Variants in DENND5B observed in about 807,000 individuals in gnomAD.
DENND5B encodes the protein DENN domain containing 5B, also known as DENN domain-containing protein 5B.
In DENND5B, 34 loss-of-function variants were observed where a neutral mutation model predicts 140.6. That is an observed-to-expected ratio of 0.24 (90% confidence interval 0.18 to 0.32). DENND5B has a LOEUF of 0.32. Among genes scored for constraint, DENND5B ranks in the 10% least tolerant of loss-of-function variants. The pLI is 1.00. For missense variants in DENND5B, 1,142 were observed against 1,560.2 expected (o/e 0.73, Z 4.52); for synonymous variants, 551 against 562.1 (o/e 0.98, Z 0.28).
intron 3 of DENND5B, among the ~76,000 whole-genome samples, chr12:31,473,535 C>T (rs1397922457): frequency 6.6e-6 from 1 of 152,008 alleles, no homozygotes; most frequent in Admixed American, 6.6e-5. Flanking sequence ...AGCTGGAGCA[C>T]TGGTACAGAC....
intron 11 of DENND5B, chr12:31,420,070 T>C: frequency 1.0e-6 from 1 of 984,660 alleles, no homozygotes; most frequent in South Asian, 4.7e-5. Flanking sequence ...CCATTTCCAG[T>C]TTAGTAGAAC....
chr12:31,495,227 T>C (rs1946710038), intron 2 of DENND5B, among the ~76,000 whole-genome samples: 1 of 152,198 alleles, frequency 6.6e-6, no homozygotes, highest in Admixed American at 6.5e-5. Context: ...TACATATTAA[T>C]ACAAATGCAC....
intron 3 of DENND5B, among the ~76,000 whole-genome samples, chr12:31,474,061 G>A (rs1375143925): frequency 6.6e-6 from 1 of 152,170 alleles, no homozygotes; most frequent in Non-Finnish European, 1.5e-5. Context: ...TGATGAGAAA[G>A]CTCCCAACTT....
In DENND5B at chr12:31,447,639, C is replaced by A; in HGVS notation, c.1760G>T (p.Arg587Leu). The A allele has an allele frequency of 6.2e-7, 1 of 1,613,730 alleles. No homozygotes were observed. Among genetic ancestry groups the A allele is most frequent in the South Asian group, 1.1e-5 (1 of 91,038 alleles). The change falls in exon 6 of 21, where the codon CGG becomes CTG. Residue 587 changes from arginine (R) to leucine (L), a missense_variant. Arg to Leu is a moderately radical substitution (Grantham distance 102). Around this residue, in one of 5 missense-constraint regions of DENND5B, gnomAD observed 708 missense variants for 905.5 expected, o/e 0.78. Coordinates refer to ENST00000389082, the MANE Select transcript of DENND5B (RefSeq NM_144973.4). ...CTTATCAATCCGAGTGTCAAAGACC[C>A]GAAGCAAAGGATCTTTCTCTTCCCA... ...SQWEEKDPLL[R>L]VFDTRIDKIR...
At chr12:31,493,928 T>C (rs1182048383) in intron 2 of DENND5B, among the ~76,000 whole-genome samples, 1 of 152,192 alleles carries the variant, frequency 6.6e-6, no homozygotes, top group Admixed American at 6.5e-5. Flanking sequence ...TTTTTATTTT[T>C]TTCCCATTCT....
intron 1 of DENND5B, among the ~76,000 whole-genome samples, chr12:31,551,908 C>T (rs1463903770): frequency 3.2e-4 from 48 of 152,160 alleles, no homozygotes; most frequent in African/African-American, 1.0e-3. Flanking sequence ...TTTTGCACAT[C>T]GATTTTGTAT....
At chr12:31,583,256 C>T (rs1019480887) in intron 1 of DENND5B, among the ~76,000 whole-genome samples, 10 of 149,740 alleles carry the variant, frequency 6.7e-5, no homozygotes, top group African/African-American at 7.4e-5. Context: ...AGCGCCACTG[C>T]GCTCCAGCCT....
intron 14 of DENND5B, 94 bp from the exon 15 acceptor site, chr12:31,402,737 T>TAGA: frequency 7.0e-7 from 1 of 1,427,004 alleles, no homozygotes; most frequent in Non-Finnish European, 9.3e-7. Context: ...TTTTCATTGA[T>TAGA]AATTTGCTTT....
At position 31,450,295 on chromosome 12, in the gene DENND5B, A is replaced by G. The variant is rs1210806179; in HGVS notation, c.1629+1645T>C. ...GATGTGGGGAAAAACAAAGAACACC[A>G]GAACGTAACTGTTCAACATACAATA... On this transcript the variant is annotated intron_variant, in intron 5 of 20. Transcript: ENST00000389082. 2.0e-5 allele frequency among the ~76,000 whole-genome samples: 3 copies of G among 152,228 alleles called. No individual in the cohort carries two copies. In the East Asian group the frequency reaches 5.8e-4, roughly 29 times the overall value.
intron 19 of DENND5B, among the ~76,000 whole-genome samples, chr12:31,390,674 T>C (rs1941088799): frequency 6.6e-6 from 1 of 151,392 alleles, no homozygotes; most frequent in African/African-American, 2.4e-5. Flanking sequence ...AAATTTTAAA[T>C]GGCTATATGT....
chr12:31,491,759 G>A (rs1040969276), intron 2 of DENND5B, among the ~76,000 whole-genome samples: 2 of 152,106 alleles, frequency 1.3e-5, no homozygotes, highest in Non-Finnish European at 2.9e-5. Flanking sequence ...CCTGTCACTT[G>A]TATTTATTTT....
intron 2 of DENND5B, among the ~76,000 whole-genome samples, chr12:31,487,848 T>C (rs1946369126): frequency 1.3e-5 from 2 of 152,194 alleles, no homozygotes; most frequent in African/African-American, 2.4e-5. Context: ...GCACAGTGCA[T>C]GGCATATAAC....
chr12:31,501,974 T>C (rs559714561), intron 1 of DENND5B, among the ~76,000 whole-genome samples: 1 of 152,200 alleles, frequency 6.6e-6, no homozygotes, highest in Non-Finnish European at 1.5e-5. Flanking sequence ...AAAACAACTT[T>C]ATTTTAGAAA....
At chr12:31,523,792 C>A (rs925593754) in intron 1 of DENND5B, among the ~76,000 whole-genome samples, 4 of 152,206 alleles carry the variant, frequency 2.6e-5, no homozygotes, top group African/African-American at 7.2e-5. Flanking sequence ...TTTGTATGTA[C>A]ATGACACACT....
chr12:31,400,667 T>C (rs1223721627), intron 15 of DENND5B, among the ~76,000 whole-genome samples: 1 of 152,180 alleles, frequency 6.6e-6, no homozygotes, highest in African/African-American at 2.4e-5. Flanking sequence ...TGTATCAGGG[T>C]AAATGGGGTG....
intron 7 of DENND5B, among the ~76,000 whole-genome samples, chr12:31,434,999 T>C (rs1404560260): frequency 1.7e-4 from 26 of 152,126 alleles, no homozygotes; most frequent in Non-Finnish European, 7.3e-5. Context: ...CGTCTTTCTG[T>C]TATGAACATA....
intron 1 of DENND5B, among the ~76,000 whole-genome samples, chr12:31,496,336 C>G (rs1292362474): frequency 6.6e-6 from 1 of 152,124 alleles, no homozygotes; most frequent in Non-Finnish European, 1.5e-5. Context: ...CTACAGTGCT[C>G]AAAGGAAGCA....
At chr12:31,572,022 C>T (rs1256904576) in intron 1 of DENND5B, among the ~76,000 whole-genome samples, 1 of 152,086 alleles carries the variant, frequency 6.6e-6, no homozygotes, top group Non-Finnish European at 1.5e-5. Context: ...GTCGGGAGCT[C>T]AAGACCAGCC....
intron 14 of DENND5B, among the ~76,000 whole-genome samples, chr12:31,406,890 C>G (rs771219660): frequency 1.3e-5 from 2 of 151,998 alleles, no homozygotes; most frequent in African/African-American, 2.4e-5. Flanking sequence ...ACCTCTGCCT[C>G]CCGGGTTCAA....
Sources: allele counts gnomAD v4.1 joint callset (sites outside exome capture counted in the v4.1 genomes callset), GRCh38; gene constraint gnomAD v4.1.1; regional missense constraint gnomAD v4.1.1; transcripts MANE v1.5; gene names NCBI Gene and HGNC (gene_info 2026-07-23, HGNC 2026-07-21).